The following SCHIP1 variants were observed in gnomAD, a reference collection of about 807,000 sequenced individuals.
The protein encoded by SCHIP1 is schwannomin-interacting protein 1.
Under a neutral mutation model 29.7 loss-of-function variants are expected in SCHIP1, and 8 were observed. The ratio of observed to expected loss-of-function variants is 0.27; its 90% CI spans 0.16 to 0.49. The LOEUF is 0.49. Among genes scored for constraint, SCHIP1 ranks in the 20% least tolerant of loss-of-function variants. SCHIP1 has a pLI of 0.99. For missense variants in SCHIP1, 193 were observed against 294.6 expected (o/e 0.66, Z 2.52); for synonymous variants, 76 against 94.9 (o/e 0.80, Z 1.16).
chr3:159,565,327 C>T, the SCHIP1 span, among the ~76,000 whole-genome samples: 2 of 152,170 alleles, frequency 1.3e-5, no homozygotes, highest in Non-Finnish European at 2.9e-5. Context: ...TAAACAAGAA[C>T]ATTATACTAA....
At chr3:159,348,664 A>G in the SCHIP1 span, among the ~76,000 whole-genome samples, 2 of 152,172 alleles carry the variant, frequency 1.3e-5, no homozygotes, top group African/African-American at 4.8e-5. Context: ...CAACCATTGC[A>G]TTTCCATCTG....
At chr3:159,477,505 T>G in the SCHIP1 span, among the ~76,000 whole-genome samples, 6 of 152,296 alleles carry the variant, frequency 3.9e-5, no homozygotes, top group East Asian at 1.2e-3. Flanking sequence ...TATCTCCTAG[T>G]GGTTTTAATT....
At chr3:159,413,677 C>T in the SCHIP1 span, among the ~76,000 whole-genome samples, 1 of 152,110 alleles carries the variant, frequency 6.6e-6, no homozygotes, top group East Asian at 1.9e-4. Flanking sequence ...CCCTCTTTAG[C>T]CCTCAGTTCC....
At chr3:159,548,068 G>A in the SCHIP1 span, among the ~76,000 whole-genome samples, 1 of 151,732 alleles carries the variant, frequency 6.6e-6, no homozygotes, top group Non-Finnish European at 1.5e-5. Context: ...AAATCACTCT[G>A]TAATTTTCTA....
the SCHIP1 span, among the ~76,000 whole-genome samples, chr3:159,486,815 T>G: frequency 1.3e-5 from 2 of 152,210 alleles, no homozygotes; most frequent in Non-Finnish European, 2.9e-5. Flanking sequence ...AGCTTTTGTC[T>G]CCATGGCTGC....
At chr3:159,790,385 A>G in the SCHIP1 span, among the ~76,000 whole-genome samples, 1 of 152,226 alleles carries the variant, frequency 6.6e-6, no homozygotes, top group Non-Finnish European at 1.5e-5. Context: ...TGAAGTTACA[A>G]TCTTTCTGTA....
At chr3:159,437,512 T>C in the SCHIP1 span, among the ~76,000 whole-genome samples, 1 of 152,126 alleles carries the variant, frequency 6.6e-6, no homozygotes, top group Non-Finnish European at 1.5e-5. Context: ...TCAGGAACTG[T>C]GACTTCAACC....
chr3:159,847,917 A>C (rs1340447956), intron 1 of SCHIP1, among the ~76,000 whole-genome samples: 1 of 152,210 alleles, frequency 6.6e-6, no homozygotes, highest in Non-Finnish European at 1.5e-5. Flanking sequence ...ATTTGAAAAG[A>C]GGTTATAAAT....
the SCHIP1 span, among the ~76,000 whole-genome samples, chr3:159,370,715 T>G: frequency 6.6e-6 from 1 of 152,204 alleles, no homozygotes; most frequent in Non-Finnish European, 1.5e-5. Context: ...TCTCTCTTCT[T>G]GAGCTGAGAC....
chr3:159,620,605 AAAT>A, the SCHIP1 span, among the ~76,000 whole-genome samples: 1 of 152,226 alleles, frequency 6.6e-6, no homozygotes, highest in African/African-American at 2.4e-5. Context: ...AATTCTTGGG[AAAT>A]AATACACTTT....
At chr3:159,704,644 A>T in the SCHIP1 span, among the ~76,000 whole-genome samples, 5 of 152,202 alleles carry the variant, frequency 3.3e-5, no homozygotes, top group South Asian at 8.3e-4. Context: ...ATATTAGGCA[A>T]TTCCACTGAA....
upstream of SCHIP1, among the ~76,000 whole-genome samples, chr3:159,835,889 C>T (rs945455845): frequency 6.8e-6 from 1 of 147,832 alleles, no homozygotes; most frequent in Non-Finnish European, 1.5e-5. Context: ...TTGCTAATTG[C>T]CACAATTGAA....
At chr3:159,431,701 C>G in the SCHIP1 span, among the ~76,000 whole-genome samples, 6 of 151,502 alleles carry the variant, frequency 4.0e-5, no homozygotes, top group South Asian at 1.2e-3. Context: ...CCCAGCTACT[C>G]GGGAGGCTGA....
the SCHIP1 span, among the ~76,000 whole-genome samples, chr3:159,404,779 C>G: frequency 1.3e-5 from 2 of 152,188 alleles, no homozygotes; most frequent in African/African-American, 2.4e-5. Context: ...GCCCTAGGGC[C>G]TTTGAGCAAA....
At chr3:159,425,311 G>A in the SCHIP1 span, among the ~76,000 whole-genome samples, 22 of 151,890 alleles carry the variant, frequency 1.4e-4, no homozygotes, top group Non-Finnish European at 2.6e-4. Context: ...CACATGCAGA[G>A]ACACACATAG....
chr3:159,505,028 G>A, the SCHIP1 span, among the ~76,000 whole-genome samples: 1 of 152,200 alleles, frequency 6.6e-6, no homozygotes, highest in African/African-American at 2.4e-5. Context: ...TCCAGGTGGA[G>A]GGAATAGCAT....
chr3:159,615,706 G>T, the SCHIP1 span, among the ~76,000 whole-genome samples: 3 of 152,156 alleles, frequency 2.0e-5, no homozygotes, highest in Non-Finnish European at 4.4e-5. Flanking sequence ...TGACAGAACT[G>T]AATAGAATGT....
At chr3:159,809,054 G>A in the SCHIP1 span, among the ~76,000 whole-genome samples, 2 of 150,616 alleles carry the variant, frequency 1.3e-5, no homozygotes, top group African/African-American at 2.5e-5. Context: ...TGTTACATAG[G>A]TATACATGTG....
the SCHIP1 span, among the ~76,000 whole-genome samples, chr3:159,405,767 C>A: frequency 1.3e-5 from 2 of 151,402 alleles, no homozygotes; most frequent in Non-Finnish European, 2.9e-5. Flanking sequence ...CCTGTAATCC[C>A]AGCTACTCAG....
Sources: gnomAD v4.1 joint callset for allele counts (sites outside exome capture counted in the v4.1 genomes callset) on GRCh38, gnomAD v4.1.1 for gene constraint, MANE v1.5 for transcripts, NCBI Gene and HGNC (gene_info 2026-07-23, HGNC 2026-07-21) for gene names.